Variants in CDKL4 observed in about 807,000 individuals in gnomAD.
CDKL4 encodes cyclin-dependent kinase-like 4.
Under a neutral mutation model 42.0 loss-of-function variants are expected in CDKL4, and 44 were observed. The observed-to-expected ratio is 1.05, with a 90% CI of 0.82 to 1.35. CDKL4 has a LOEUF of 1.35. Among genes scored for constraint, CDKL4 ranks in the 40% most tolerant of loss-of-function variants. CDKL4 has a pLI of 0.00. For synonymous variants in CDKL4, 120 were observed against 121.6 expected, an observed-to-expected ratio of 0.99 and a Z score of 0.09; for missense variants, 393 against 369.9, an observed-to-expected ratio of 1.06 and a Z score of -0.51.
downstream of CDKL4, among the ~76,000 whole-genome samples, chr2:39,170,759 A>G (rs924720945): frequency 6.6e-6 from 1 of 152,026 alleles, no homozygotes; most frequent in Non-Finnish European, 1.5e-5. Flanking sequence ...CTGGTCCCCC[A>G]GTTTTTTAAG....
intron 6 of CDKL4, among the ~76,000 whole-genome samples, chr2:39,189,573 C>G (rs756930226): frequency 2.6e-5 from 4 of 152,202 alleles, no homozygotes; most frequent in Admixed American, 6.5e-5. Flanking sequence ...GAAGTAAAAT[C>G]AGACTCTTAG....
upstream of CDKL4, among the ~76,000 whole-genome samples, chr2:39,244,623 C>G (rs1383310509): frequency 1.3e-5 from 2 of 152,362 alleles, no homozygotes; most frequent in South Asian, 4.1e-4. Flanking sequence ...CTCCACGGCG[C>G]CCAGTCCCAT....
At chr2:39,237,787 CATG>C (rs979935402) in intron 1 of CDKL4, among the ~76,000 whole-genome samples, 1 of 152,038 alleles carries the variant, frequency 6.6e-6, no homozygotes, top group Non-Finnish European at 1.5e-5. Context: ...TCAGAAATGA[CATG>C]ATACTATCTA....
intron 5 of CDKL4, among the ~76,000 whole-genome samples, chr2:39,202,087 C>T (rs998893409): frequency 6.6e-6 from 1 of 152,072 alleles, no homozygotes; most frequent in African/African-American, 2.4e-5. Context: ...TAAAAATTAG[C>T]TGGGTGTGGT....
chr2:39,230,471 T>A (rs1679029690), intron 1 of CDKL4, among the ~76,000 whole-genome samples: 1 of 152,238 alleles, frequency 6.6e-6, no homozygotes, highest in South Asian at 2.1e-4. Context: ...AAAGCATTCA[T>A]TCTTATGAAT....
intron 2 of CDKL4, among the ~76,000 whole-genome samples, chr2:39,227,025 A>G (rs988844108): frequency 1.8e-4 from 27 of 152,078 alleles, no homozygotes; most frequent in Non-Finnish European, 2.9e-5. Context: ...ACCTCAAGCA[A>G]TCCATCTGCC....
chr2:39,177,677 T>A (rs561746156), intron 9 of CDKL4, among the ~76,000 whole-genome samples: 1 of 147,932 alleles, frequency 6.8e-6, no homozygotes, highest in East Asian at 2.0e-4. Flanking sequence ...TGCTGGGATG[T>A]TTTTATTTAT....
downstream of CDKL4, among the ~76,000 whole-genome samples, chr2:39,172,314 C>A (rs547539818): frequency 9.4e-5 from 14 of 148,766 alleles, no homozygotes; most frequent in Non-Finnish European, 1.5e-4. Context: ...ACTCTGTCCC[C>A]GCTCCGAAAA....
intron 9 of CDKL4, among the ~76,000 whole-genome samples, chr2:39,176,500 T>C (rs1230023697): frequency 6.6e-6 from 1 of 152,234 alleles, no homozygotes; most frequent in African/African-American, 2.4e-5. Context: ...AATGGTGCAA[T>C]CTCGGCTCAC....
At chr2:39,229,174 A>T (rs990966609) in intron 2 of CDKL4, among the ~76,000 whole-genome samples, 191 bp downstream of exon 2, 4 of 152,234 alleles carry the variant, frequency 2.6e-5, no homozygotes, top group African/African-American at 9.6e-5. Flanking sequence ...AACAATCTAT[A>T]GCTGTATTCA....
chr2:39,223,838 T>C (rs990825531), intron 3 of CDKL4, among the ~76,000 whole-genome samples: 1 of 152,088 alleles, frequency 6.6e-6, no homozygotes, highest in African/African-American at 2.4e-5. Context: ...GCTCAGCTGA[T>C]CCACCTGCCT....
At chr2:39,170,550 G>A in the CDKL4 span, among the ~76,000 whole-genome samples, 3 of 151,880 alleles carry the variant, frequency 2.0e-5, no homozygotes, top group East Asian at 1.9e-4. Flanking sequence ...TCCACCTCCC[G>A]GATTCAAGCG....
chr2:39,243,421 AACCAGAAT>A (rs1355912982), intron 1 of CDKL4, among the ~76,000 whole-genome samples: 2 of 152,260 alleles, frequency 1.3e-5, no homozygotes, highest in Non-Finnish European at 2.9e-5. Context: ...ATCCCCAGAA[AACCAGAAT>A]ACCACATAAT....
chr2:39,198,704 A>G (rs988765198), intron 5 of CDKL4, among the ~76,000 whole-genome samples: 10 of 152,170 alleles, frequency 6.6e-5, no homozygotes, highest in Non-Finnish European at 1.2e-4. Flanking sequence ...ATGCAAATAC[A>G]TGGAAATTAA....
At chr2:39,219,497 T>TG (rs1299669694) in intron 3 of CDKL4, among the ~76,000 whole-genome samples, 1 of 152,150 alleles carries the variant, frequency 6.6e-6, no homozygotes, top group Non-Finnish European at 1.5e-5. Flanking sequence ...CTTGGCTCAC[T>TG]GCAACCTCTG....
At chr2:39,215,448 G>C (rs145200937) in intron 3 of CDKL4, among the ~76,000 whole-genome samples, 1 of 151,932 alleles carries the variant, frequency 6.6e-6, no homozygotes, top group Non-Finnish European at 1.5e-5. Flanking sequence ...ATGGAGATGC[G>C]GCTGTTGTTT....
At chr2:39,243,059 A>G (rs1301473828) in intron 1 of CDKL4, among the ~76,000 whole-genome samples, 1 of 134,042 alleles carries the variant, frequency 7.5e-6, no homozygotes, top group Non-Finnish European at 1.6e-5. Context: ...GAGGTCAGCG[A>G]GCCAAGGTGG....
intron 4 of CDKL4, among the ~76,000 whole-genome samples, chr2:39,205,566 C>T (rs1003669483): frequency 2.0e-5 from 3 of 151,588 alleles, no homozygotes; most frequent in Non-Finnish European, 4.4e-5. Flanking sequence ...AGAGACCATC[C>T]TGGCCAACAC....
chr2:39,235,474 TG>T (rs879359682), intron 1 of CDKL4, among the ~76,000 whole-genome samples: 33 of 151,892 alleles, frequency 2.2e-4, no homozygotes, highest in Admixed American at 1.8e-3. Context: ...GGGCAATAGG[TG>T]GGAGTAAAAA....
Sources: allele counts gnomAD v4.1 joint callset (sites outside exome capture counted in the v4.1 genomes callset), GRCh38; gene constraint gnomAD v4.1.1; transcripts MANE v1.5; gene names NCBI Gene and HGNC (gene_info 2026-07-23, HGNC 2026-07-21).